The following SLC5A4 variants were observed in gnomAD, a reference collection of about 807,000 sequenced individuals.
SLC5A4 encodes the protein solute carrier family 5 member 4.
In SLC5A4, 55 loss-of-function variants were observed where a neutral mutation model predicts 70.3. The ratio of observed to expected loss-of-function variants is 0.78; its 90% CI spans 0.63 to 0.98. The LOEUF (loss-of-function observed/expected upper bound fraction) is 0.98. SLC5A4 is among the 50% of genes least tolerant of loss of function. The pLI, the probability that SLC5A4 is intolerant of heterozygous loss-of-function variation, is 0.00. For missense variants in SLC5A4, 735 were observed against 839.2 expected, an observed-to-expected ratio of 0.88 and a Z score of 1.53; for synonymous variants, 268 against 305.7, an observed-to-expected ratio of 0.88 and a Z score of 1.29.
chr22:32,298,183 A>C, the SLC5A4 span, among the ~76,000 whole-genome samples: 4 of 146,778 alleles, frequency 2.7e-5, no homozygotes, highest in African/African-American at 1.0e-4. Flanking sequence ...CTTGGTGCAG[A>C]GCTGAGTTCA....
chr22:32,326,586 A>T, the SLC5A4 span, among the ~76,000 whole-genome samples: 1 of 152,148 alleles, frequency 6.6e-6, no homozygotes, highest in African/African-American at 2.4e-5. Flanking sequence ...GGATTCTCAC[A>T]GGGACCTGAA....
At chr22:32,322,612 AAAAAG>A in the SLC5A4 span, among the ~76,000 whole-genome samples, 10 of 152,114 alleles carry the variant, frequency 6.6e-5, no homozygotes, top group East Asian at 1.5e-3. Context: ...TTGGAAAAAA[AAAAAG>A]AAACAGCCAG....
the SLC5A4 span, among the ~76,000 whole-genome samples, chr22:32,293,097 TTTA>T: frequency 2.0e-5 from 3 of 152,164 alleles, no homozygotes; most frequent in South Asian, 2.1e-4. Flanking sequence ...AGTTTTTCTG[TTTA>T]TTGTTTGAGT....
At chr22:32,275,564 T>G in the SLC5A4 span, among the ~76,000 whole-genome samples, 1 of 152,242 alleles carries the variant, frequency 6.6e-6, no homozygotes, top group Non-Finnish European at 1.5e-5. Context: ...TTTTCATGGC[T>G]GCATGGTATT....
At chr22:32,238,438 A>AT in intron 6 of SLC5A4, among the ~76,000 whole-genome samples, 1 of 152,270 alleles carries the variant, frequency 6.6e-6, no homozygotes, top group South Asian at 2.1e-4. Flanking sequence ...CTTCCAACTC[A>AT]GCTGGTATAC....
the SLC5A4 span, among the ~76,000 whole-genome samples, chr22:32,325,559 C>A: frequency 6.6e-6 from 1 of 152,232 alleles, no homozygotes; most frequent in South Asian, 2.1e-4. Context: ...AGCCACAAGG[C>A]CTTCATCTGC....
chr22:32,242,449 C>CAG (rs1382083465), intron 5 of SLC5A4, among the ~76,000 whole-genome samples: 1 of 152,198 alleles, frequency 6.6e-6, no homozygotes, highest in Non-Finnish European at 1.5e-5. Flanking sequence ...GTGGCTCATG[C>CAG]CTGTAATCCC....
At chr22:32,229,160 A>G in intron 11 of SLC5A4, 34 bp downstream of exon 11, 2 of 1,601,974 alleles carry the variant, frequency 1.2e-6, no homozygotes, top group Non-Finnish European at 1.7e-6. Flanking sequence ...GTACTTCTCC[A>G]GAGGATTCTA....
chr22:32,245,985 T>C (rs774619160), intron 5 of SLC5A4, among the ~76,000 whole-genome samples: 4 of 152,222 alleles, frequency 2.6e-5, no homozygotes, highest in Non-Finnish European at 2.9e-5. Context: ...TGGGGAATAC[T>C]TAAGTGCCCT....
At chr22:32,239,528 AT>A (rs1926273212) in intron 5 of SLC5A4, among the ~76,000 whole-genome samples, 1 of 7,988 alleles carries the variant, frequency 1.3e-4, no homozygotes, top group South Asian at 3.4e-3. Context: ...TTATATATAT[AT>A]ATATATATAT....
the SLC5A4 span, among the ~76,000 whole-genome samples, chr22:32,307,753 G>T: frequency 6.6e-6 from 1 of 152,214 alleles, no homozygotes; most frequent in Non-Finnish European, 1.5e-5. Context: ...CTTGTCTTCC[G>T]GAGGGGACAG....
the SLC5A4 span, among the ~76,000 whole-genome samples, chr22:32,327,750 G>C: frequency 3.7e-5 from 3 of 81,500 alleles, no homozygotes; most frequent in African/African-American, 1.5e-4. Context: ...TTGGGACACA[G>C]TTGGGAGTGT....
chr22:32,354,296 C>T, the SLC5A4 span, among the ~76,000 whole-genome samples: 1 of 151,118 alleles, frequency 6.6e-6, no homozygotes, highest in Admixed American at 6.6e-5. Flanking sequence ...ACACCCCCCT[C>T]CCTGCTGCCA....
chr22:32,347,954 G>C, the SLC5A4 span, among the ~76,000 whole-genome samples: 1 of 151,896 alleles, frequency 6.6e-6, no homozygotes, highest in Non-Finnish European at 1.5e-5. Flanking sequence ...TTAAAGAACA[G>C]AATTCCAGTT....
the SLC5A4 span, among the ~76,000 whole-genome samples, chr22:32,307,446 G>A: frequency 7.6e-4 from 116 of 152,264 alleles, no homozygotes; most frequent in Non-Finnish European, 1.3e-3. Flanking sequence ...CATTTCACAG[G>A]TGGTCCCAGC....
the SLC5A4 span, among the ~76,000 whole-genome samples, chr22:32,292,322 A>G: frequency 1.4e-5 from 2 of 142,504 alleles, no homozygotes; most frequent in Non-Finnish European, 3.0e-5. Flanking sequence ...TTTTTCTAAT[A>G]TATATGGTAT....
At chr22:32,314,580 GA>G in the SLC5A4 span, among the ~76,000 whole-genome samples, 9 of 152,290 alleles carry the variant, frequency 5.9e-5, no homozygotes, top group South Asian at 1.7e-3. Flanking sequence ...GAATGATTCA[GA>G]AAAGTTTAAT....
At chr22:32,251,716 T>C in intron 3 of SLC5A4, 54 bp downstream of exon 3, 2 of 1,050,618 alleles carry the variant, frequency 1.9e-6, no homozygotes, top group South Asian at 2.5e-5. Context: ...TAAAACATAC[T>C]AAGACACTGG....
At chr22:32,298,784 G>A in the SLC5A4 span, among the ~76,000 whole-genome samples, 2 of 113,788 alleles carry the variant, frequency 1.8e-5, no homozygotes, top group Non-Finnish European at 3.7e-5. Flanking sequence ...ATTTTGCAGC[G>A]GCTGGTACTG....
Sources: gnomAD v4.1 joint callset for allele counts (sites outside exome capture counted in the v4.1 genomes callset) on GRCh38, gnomAD v4.1.1 for gene constraint, MANE v1.5 for transcripts, NCBI Gene and HGNC (gene_info 2026-07-23, HGNC 2026-07-21) for gene names.